Variants in NPHP4 observed in about 807,000 individuals in gnomAD.
The protein encoded by NPHP4 is nephrocystin-4.
NPHP4 carries 151 observed loss-of-function variants against 155.8 expected under a neutral mutation model. The ratio of observed to expected loss-of-function variants is 0.97; its 90% CI spans 0.85 to 1.11. The LOEUF (loss-of-function observed/expected upper bound fraction) is 1.11. NPHP4 is among the 50% of genes least tolerant of loss of function. The pLI is 0.00. For missense variants in NPHP4, 1,956 were observed against 1,925.7 expected, an observed-to-expected ratio of 1.02 and a Z score of -0.29; for synonymous variants, 845 against 816.8, an observed-to-expected ratio of 1.03 and a Z score of -0.59.
At chr1:5,967,897 G>A (rs1651827505) in intron 4 of NPHP4, among the ~76,000 whole-genome samples, 1 of 151,948 alleles carries the variant, frequency 6.6e-6, no homozygotes, top group Non-Finnish European at 1.5e-5. Context: ...CAAGTCAGTG[G>A]TGTCAAGCTT....
intron 6 of NPHP4, among the ~76,000 whole-genome samples, chr1:5,959,866 A>C (rs1649980460): frequency 6.6e-6 from 1 of 152,194 alleles, no homozygotes; most frequent in Non-Finnish European, 1.5e-5. Flanking sequence ...GACATCTGAA[A>C]GCTAGTTCTG....
intron 11 of NPHP4, among the ~76,000 whole-genome samples, chr1:5,914,823 C>T (rs889455022): frequency 6.6e-6 from 1 of 152,180 alleles, no homozygotes; most frequent in Non-Finnish European, 1.5e-5. Flanking sequence ...TGGAGGCCAA[C>T]GTGTCCTTTC....
rs1654079083 is a variant in NPHP4 at position 5,978,371 on chromosome 1, C to T, written c.178G>A (p.Val60Met). ...CGGTAGGTGACATCAAAGAAAGACA[C>T]TCGCAGATGGCATTCAACCTCTGAC... Reference protein sequence around the residue: ...VLSEVECHLRVSFFDVTYRHF... With the variant: ...VLSEVECHLRMSFFDVTYRHF... The change falls in exon 3 of 30, where the codon GTG (valine) becomes ATG (methionine). Residue 60 changes from valine (V) to methionine (M), a missense_variant. Transcript: ENST00000378156. 6.2e-7 allele frequency: 1 copy of T among 1,608,238 alleles called. No homozygotes were observed. Among genetic ancestry groups the T allele is most frequent in the Middle Eastern group, 1.7e-4 (1 of 6,054 alleles).
chr1:5,907,367 G>T, intron 12 of NPHP4, 145 bp from the exon 13 acceptor site: 1 of 482,336 alleles, frequency 2.1e-6, no homozygotes. Flanking sequence ...CTCCTGGCCA[G>T]GGCAGCTCTG....
chr1:5,928,376 G>A (rs746822295), intron 10 of NPHP4, among the ~76,000 whole-genome samples: 35 of 152,226 alleles, frequency 2.3e-4, no homozygotes, highest in Non-Finnish European at 3.7e-4. Context: ...CATCCAAGTT[G>A]TTACATACAC....
At chr1:5,863,448 TC>T (rs2100359993) in intron 29 of NPHP4, 43 bp from the exon 30 acceptor site, 2 of 1,601,002 alleles carry the variant, frequency 1.2e-6, no homozygotes, top group East Asian at 4.5e-5. Context: ...CCCCGGGCTG[TC>T]CCACGCTCTC....
At chr1:5,868,120 C>A in intron 23 of NPHP4, 2 of 671,784 alleles carry the variant, frequency 3.0e-6, no homozygotes, top group Non-Finnish European at 5.5e-6. Flanking sequence ...GGCACCCACA[C>A]AGGGCACCCA....
At chr1:5,900,388 T>G (rs1644610879) in intron 16 of NPHP4, among the ~76,000 whole-genome samples, 1 of 152,086 alleles carries the variant, frequency 6.6e-6, no homozygotes, top group Non-Finnish European at 1.5e-5. Flanking sequence ...ATCCAATACG[T>G]GAGTGAGCGA....
intron 11 of NPHP4, among the ~76,000 whole-genome samples, chr1:5,920,265 T>C (rs533933693): frequency 1.4e-3 from 218 of 152,078 alleles, no homozygotes; most frequent in Non-Finnish European, 1.1e-3. Flanking sequence ...CTTGCTATGT[T>C]ACCCAGGCTG....
chr1:5,953,277 T>C (rs972465223), intron 6 of NPHP4, among the ~76,000 whole-genome samples: 4 of 152,176 alleles, frequency 2.6e-5, no homozygotes, highest in African/African-American at 9.6e-5. Flanking sequence ...AGCTAATTTT[T>C]GTATTTTTAG....
At chr1:5,891,069 T>A (rs771492699) in intron 16 of NPHP4, 41 bp from the exon 17 acceptor site, 2 of 1,404,160 alleles carry the variant, frequency 1.4e-6, no homozygotes, top group Non-Finnish European at 1.9e-6. Flanking sequence ...GTAATTGGAG[T>A]CATTCATCAT....
intron 5 of NPHP4, among the ~76,000 whole-genome samples, chr1:5,964,941 A>ATATATATTTTTTTTTTTTTTTTTTTTTTT: frequency 3.4e-5 from 2 of 59,428 alleles, no homozygotes; most frequent in African/African-American, 1.7e-4. Context: ...ATATATATAT[A>ATATATATTTTTTTTTTTTTTTTTTTTTTT]TTTTTTTTTT....
chr1:5,863,566 C>T, intron 29 of NPHP4, 161 bp from the exon 30 acceptor site: 1 of 781,130 alleles, frequency 1.3e-6, no homozygotes, highest in Non-Finnish European at 2.1e-6. Flanking sequence ...GCGCCCGGTA[C>T]AAGGATGGGA....
chr1:5,964,264 G>C (rs974188021), intron 5 of NPHP4, among the ~76,000 whole-genome samples: 1 of 152,216 alleles, frequency 6.6e-6, no homozygotes, highest in African/African-American at 2.4e-5. Context: ...GGGCAGCCCT[G>C]ATGAAATAAC....
intron 11 of NPHP4, among the ~76,000 whole-genome samples, chr1:5,923,301 C>T (rs780807395): frequency 5.9e-5 from 9 of 152,180 alleles, no homozygotes; most frequent in Non-Finnish European, 1.3e-4. Context: ...TTCTTTTAAA[C>T]ACAAAATATG....
At chr1:5,870,863 T>C (rs1287628) in intron 23 of NPHP4, among the ~76,000 whole-genome samples, 45,614 of 152,122 alleles carry the variant, frequency 0.3, 7,694 homozygotes, top group South Asian at 0.41. Context: ...TCACAACAGC[T>C]GCAGCCACGC....
intron 23 of NPHP4, chr1:5,868,110 G>A (rs1350728043): frequency 3.2e-5 from 22 of 688,704 alleles, no homozygotes; most frequent in East Asian, 8.3e-5. Flanking sequence ...GGTCTGGGCC[G>A]GCACCCACAC....
intron 16 of NPHP4, among the ~76,000 whole-genome samples, chr1:5,897,690 TTACAAATACAA>T (rs1271492704): frequency 6.6e-6 from 1 of 151,954 alleles, no homozygotes; most frequent in East Asian, 1.9e-4. Context: ...AAAGTGATAA[TTACAAATACAA>T]TACAGGAAAC....
At chr1:5,976,298 AGGCATGAAATGAC>A (rs1343413471) in intron 3 of NPHP4, among the ~76,000 whole-genome samples, 1 of 152,160 alleles carries the variant, frequency 6.6e-6, no homozygotes, top group Non-Finnish European at 1.5e-5. Flanking sequence ...GGAGGATGAC[AGGCATGAAATGAC>A]GGCATGCTTC....
Sources: gnomAD v4.1 joint callset for allele counts (sites outside exome capture counted in the v4.1 genomes callset) on GRCh38, gnomAD v4.1.1 for gene constraint, MANE v1.5 for transcripts, NCBI Gene and HGNC (gene_info 2026-07-23, HGNC 2026-07-21) for gene names.